Variants in BBS9 observed in about 807,000 individuals in gnomAD.
BBS9 encodes protein PTHB1.
In BBS9, 89 loss-of-function variants were observed where a neutral mutation model predicts 117.7. The observed-to-expected ratio is 0.76, with a 90% CI of 0.64 to 0.90. The LOEUF (loss-of-function observed/expected upper bound fraction) is 0.90, where lower values mean the gene tolerates loss of function less well. BBS9 is among the 40% of genes least tolerant of loss of function. The pLI is 0.00. For synonymous variants in BBS9, 379 were observed against 370.9 expected (o/e 1.02, Z -0.25); for missense variants, 982 against 1,042.2 (o/e 0.94, Z 0.80).
At chr7:33,142,238 T>C (rs1053653723) in intron 1 of BBS9, among the ~76,000 whole-genome samples, 5 of 152,148 alleles carry the variant, frequency 3.3e-5, no homozygotes, top group African/African-American at 1.2e-4. Flanking sequence ...TCAAGTTATA[T>C]TGGTATGGTG....
intron 5 of BBS9, among the ~76,000 whole-genome samples, chr7:33,208,466 G>C (rs1787373672): frequency 6.6e-6 from 1 of 152,194 alleles, no homozygotes; most frequent in Non-Finnish European, 1.5e-5. Flanking sequence ...CCCATGTTGA[G>C]AATTTTTGCA....
At chr7:33,501,361 C>T (rs1845414767) in intron 19 of BBS9, among the ~76,000 whole-genome samples, 1 of 152,180 alleles carries the variant, frequency 6.6e-6, no homozygotes, top group Non-Finnish European at 1.5e-5. Context: ...GCCAGTAGGT[C>T]AGGAAGATTT....
chr7:33,486,595 T>G (rs553963454), intron 19 of BBS9, among the ~76,000 whole-genome samples: 55 of 152,310 alleles, frequency 3.6e-4, no homozygotes, highest in African/African-American at 1.2e-3. Context: ...GGTATGTAGA[T>G]TTTAAGGTAT....
At chr7:33,274,863 C>T (rs1040633398) in intron 9 of BBS9, among the ~76,000 whole-genome samples, 4 of 151,768 alleles carry the variant, frequency 2.6e-5, no homozygotes, top group African/African-American at 9.7e-5. Context: ...GGTGTGGCGG[C>T]GTGTGCATGT....
chr7:33,495,553 C>CT (rs1393834239), intron 19 of BBS9, among the ~76,000 whole-genome samples: 1 of 152,172 alleles, frequency 6.6e-6, no homozygotes, highest in Non-Finnish European at 1.5e-5. Context: ...TAGATTCCAG[C>CT]TTTAATAGCG....
chr7:33,587,858 TTATC>T (rs1563408576), intron 21 of BBS9, among the ~76,000 whole-genome samples: 1 of 152,234 alleles, frequency 6.6e-6, no homozygotes, highest in East Asian at 1.9e-4. Context: ...GTCCAGTTGT[TTATC>T]TAATCTTTCA....
chr7:33,554,014 T>C (rs1045269221), intron 21 of BBS9, among the ~76,000 whole-genome samples: 4 of 151,780 alleles, frequency 2.6e-5, no homozygotes, highest in African/African-American at 9.7e-5. Flanking sequence ...AGGAGAAGGA[T>C]GAAGAAATGA....
chr7:33,458,043 A>G (rs966231387), intron 19 of BBS9, among the ~76,000 whole-genome samples: 2 of 152,296 alleles, frequency 1.3e-5, no homozygotes, highest in African/African-American at 4.8e-5. Flanking sequence ...GATCAGCACT[A>G]TCCAATTTAA....
At chr7:33,308,339 C>T (rs941290390) in intron 9 of BBS9, among the ~76,000 whole-genome samples, 1 of 152,172 alleles carries the variant, frequency 6.6e-6, no homozygotes, top group South Asian at 2.1e-4. Flanking sequence ...AAGGGATAGA[C>T]TGCCCAAAGG....
chr7:33,421,632 A>C (rs1033813412), intron 19 of BBS9, among the ~76,000 whole-genome samples: 1 of 152,178 alleles, frequency 6.6e-6, no homozygotes, highest in Admixed American at 6.5e-5. Flanking sequence ...GTCTTTTCTT[A>C]GTCAGTCTGG....
At chr7:33,284,984 ATGTTTATAGTGT>A (rs1436607162) in intron 9 of BBS9, among the ~76,000 whole-genome samples, 2 of 152,154 alleles carry the variant, frequency 1.3e-5, no homozygotes, top group Non-Finnish European at 2.9e-5. Context: ...ACTTTGAAAC[ATGTTTATAGTGT>A]TTATTTTGGG....
intron 20 of BBS9, among the ~76,000 whole-genome samples, chr7:33,514,948 T>C (rs933894658): frequency 6.6e-6 from 1 of 152,190 alleles, no homozygotes; most frequent in Non-Finnish European, 1.5e-5. Context: ...GAGGACACTC[T>C]ATATATACAT....
chr7:33,476,641 C>G (rs1841841543), intron 19 of BBS9, among the ~76,000 whole-genome samples: 1 of 152,190 alleles, frequency 6.6e-6, no homozygotes, highest in Non-Finnish European at 1.5e-5. Context: ...ATTAGCCCAT[C>G]ATCCATCCCG....
chr7:33,231,040 C>T (rs1010252104), intron 5 of BBS9, among the ~76,000 whole-genome samples: 2 of 152,166 alleles, frequency 1.3e-5, no homozygotes, highest in African/African-American at 4.8e-5. Context: ...TTCCCACCAG[C>T]AGAGTACAAG....
At chr7:33,591,290 G>T (rs1345524028) in intron 21 of BBS9, among the ~76,000 whole-genome samples, 1 of 152,038 alleles carries the variant, frequency 6.6e-6, no homozygotes, top group Non-Finnish European at 1.5e-5. Context: ...CCTGTGGGAA[G>T]CTGATTTGTT....
Position 33,173,319 on chromosome 7 carries a change from G to A in BBS9, c.329-4159G>A, listed in dbSNP as rs553761327. Among the ~76,000 whole-genome samples the A allele has an allele frequency of 1.7e-3, 252 of 152,166 alleles. 1 individual carries two copies. The highest frequency in any genetic ancestry group is 5.5e-3 in the African/African-American group (228 of 41,524). On this transcript the variant is annotated intron_variant, in intron 4 of 22. Coordinates refer to ENST00000242067, the MANE Select transcript of BBS9 (RefSeq NM_198428.3). ...AATTTGGCCGAGTGCAGTGGCTCACGTCTGTAATCCCAGTATTTTGGGAGG... is the reference window on the plus strand; with the variant it reads ...AATTTGGCCGAGTGCAGTGGCTCACATCTGTAATCCCAGTATTTTGGGAGG...
chr7:33,423,609 T>G (rs1833204161), intron 19 of BBS9, among the ~76,000 whole-genome samples: 1 of 150,294 alleles, frequency 6.7e-6, no homozygotes, highest in Non-Finnish European at 1.5e-5. Flanking sequence ...CAATTCAGAG[T>G]CAGTAAACTT....
intron 21 of BBS9, among the ~76,000 whole-genome samples, chr7:33,596,230 C>T (rs1324131890): frequency 6.8e-6 from 1 of 147,768 alleles, no homozygotes; most frequent in African/African-American, 2.5e-5. Context: ...GTTGGCTTTC[C>T]AAGATGGCCC....
At chr7:33,602,466 C>A (rs561439031) in intron 21 of BBS9, among the ~76,000 whole-genome samples, 1 of 152,056 alleles carries the variant, frequency 6.6e-6, no homozygotes, top group Non-Finnish European at 1.5e-5. Context: ...GGGTGGCTCA[C>A]GCCTGTAATC....
Sources: gnomAD v4.1 joint callset for allele counts (sites outside exome capture counted in the v4.1 genomes callset) on GRCh38, gnomAD v4.1.1 for gene constraint, MANE v1.5 for transcripts, NCBI Gene and HGNC (gene_info 2026-07-23, HGNC 2026-07-21) for gene names.